Variants in AP4E1 observed in about 807,000 individuals in gnomAD.
AP4E1 encodes adaptor related protein complex 4 subunit epsilon 1.
AP4E1 carries 56 observed loss-of-function variants against 128.2 expected under a neutral mutation model. That is an observed-to-expected ratio of 0.44 (90% CI 0.35 to 0.55). The LOEUF is 0.55. Ranked by LOEUF, AP4E1 falls within the 20% of genes least tolerant of loss-of-function variation. AP4E1 has a pLI of 0.00. For missense variants in AP4E1, 1,324 were observed against 1,307.7 expected, an observed-to-expected ratio of 1.01 and a Z score of -0.19; for synonymous variants, 484 against 473.1, an observed-to-expected ratio of 1.02 and a Z score of -0.30.
chr15:50,973,446 C>T (rs2140901030), intron 15 of AP4E1, among the ~76,000 whole-genome samples: 1 of 151,696 alleles, frequency 6.6e-6, no homozygotes, highest in East Asian at 1.9e-4. Flanking sequence ...GAGGTCTCTC[C>T]TCTTAACAAA....
intron 1 of AP4E1, 83 bp downstream of exon 1, chr15:50,909,011 C>T (rs1383814852): frequency 2.5e-6 from 4 of 1,580,110 alleles, no homozygotes; most frequent in Non-Finnish European, 3.4e-6. Context: ...GGCGAGACTT[C>T]AGGGCCTCTG....
chr15:50,955,466 T>C (rs892390439), intron 13 of AP4E1, among the ~76,000 whole-genome samples: 12 of 152,204 alleles, frequency 7.9e-5, no homozygotes, highest in African/African-American at 2.9e-4. Context: ...GGGTGTTGTG[T>C]TCTATAAAGT....
rs1395494321 is a variant in AP4E1 at position 50,927,560 on chromosome 15, A to G, written c.543-1449A>G. ...TCACTTCATTTACCTATTCTCCCCC[A>G]GAATTAATATCAGTTAACACGCAAT... On this transcript the variant is annotated intron_variant, in intron 5 of 20. Coordinates refer to ENST00000261842, the MANE Select transcript of AP4E1 (RefSeq NM_007347.5). 2.1e-5 allele frequency among the ~76,000 whole-genome samples: 3 copies of G among 145,256 alleles called. No individual in the cohort carries two copies. The East Asian group carries it at 6.3e-4, about 30-fold the overall frequency.
chr15:50,954,070 A>G (rs1433738914), intron 13 of AP4E1, among the ~76,000 whole-genome samples: 1 of 152,212 alleles, frequency 6.6e-6, no homozygotes, highest in Non-Finnish European at 1.5e-5. Context: ...AAATGTATAT[A>G]CAAATACAAT....
In AP4E1 at chr15:51,004,677, G is replaced by C. The variant is rs755633349; in HGVS notation, c.*2015G>C. On this transcript the variant is annotated 3_prime_UTR_variant, in exon 21 of 21. Transcript: ENST00000261842. Reference sequence around the variant, plus strand: ...TTTCTGACCCACTAAATAAAAAGTAGTGTAACAGGGTTTCACTGGAATGTT... The same window carrying C: ...TTTCTGACCCACTAAATAAAAAGTACTGTAACAGGGTTTCACTGGAATGTT... The C allele has an allele frequency of 6.6e-6, 1 of 152,608 alleles. No individual in the cohort carries two copies. Among genetic ancestry groups the C allele is most frequent in the Non-Finnish European group, 1.5e-5 (1 of 68,034 alleles). 9.5% of individuals were successfully genotyped at this position (152,608 alleles called of 1,614,324 possible).
intron 19 of AP4E1, among the ~76,000 whole-genome samples, chr15:51,000,589 G>A (rs1239124831): frequency 5.9e-5 from 9 of 152,144 alleles, no homozygotes; most frequent in Non-Finnish European, 1.2e-4. Flanking sequence ...TAAAAAATGT[G>A]TTTGTTAAAA....
rs1434719616 is a variant in AP4E1 at position 50,993,594 on chromosome 15, T to C, written c.2315T>C (p.Val772Ala). 6.2e-7 allele frequency: 1 copy of C among 1,613,900 alleles called. No homozygotes were observed. Among genetic ancestry groups the C allele is most frequent in the Non-Finnish European group, 8.5e-7 (1 of 1,179,916 alleles). The stretch of plus-strand genomic sequence containing the variant: ...CAGCTGCTGGCATCATCATTATTTG[T>C]TGGTCTAGGATCAGAAAGTACAATC... ...EKQLLASSLF[V>A]GLGSESTINL... is the part of the protein sequence containing the mutation. The change falls in exon 17 of 21, where the codon GTT (valine) becomes GCT (alanine). Residue 772 changes from valine to alanine, a missense_variant. Transcript: ENST00000261842.
chr15:50,925,178 A>G lies in AP4E1; in HGVS notation c.501A>G (p.Pro167=), dbSNP rs983693914. ...AGATTTTCCCCTGCGAAATGATTCCAGCTGTTCTTCCATTAATAGAAGATA... is the reference window on the plus strand; with the variant it reads ...AGATTTTCCCCTGCGAAATGATTCCGGCTGTTCTTCCATTAATAGAAGATA... ...VSQIFPCEMI[P]AVLPLIEDKL... is the part of the protein sequence containing the mutation. Residue 167 remains proline, a synonymous_variant, in exon 5 of 21, where the codon CCA becomes CCG. Transcript: ENST00000261842. 4.3e-6 allele frequency: 7 copies of G among 1,613,788 alleles called. No individual in the cohort carries two copies. The highest frequency in any genetic ancestry group is 5.9e-6 in the Non-Finnish European group (7 of 1,179,672).
rs759799890 is a variant in AP4E1 at position 50,931,800 on chromosome 15, A to G, written c.869+829A>G. Among the ~76,000 whole-genome samples, 52 of 152,138 alleles carry G rather than the reference A, an allele frequency of 3.4e-4. 1 individual carries two copies. The highest frequency in any genetic ancestry group is 6.3e-4 in the Non-Finnish European group (43 of 68,030). On this transcript the variant is annotated intron_variant, in intron 7 of 20. Transcript: ENST00000261842. ...TAAAATCTCTTCTTAGCTTGAAGCC[A>G]TACAAAACCAGGCATTTGGCCAGAT...
intron 15 of AP4E1, among the ~76,000 whole-genome samples, chr15:50,977,715 T>TGTTTTTTG (rs71127170): frequency 7.0e-6 from 1 of 142,182 alleles, no homozygotes; most frequent in South Asian, 2.3e-4. Flanking sequence ...GGTTTTTTTT[T>TGTTTTTTG]TTTTTTTTTT....
chr15:50,925,722 C>T (rs2063760808), intron 5 of AP4E1, among the ~76,000 whole-genome samples: 2 of 151,028 alleles, frequency 1.3e-5, no homozygotes, highest in Non-Finnish European at 3.0e-5. Flanking sequence ...CTCTGCCTCC[C>T]GGGTTCAAGC....
At chr15:50,919,325 G>C (rs2063665961) in intron 3 of AP4E1, among the ~76,000 whole-genome samples, 5 of 151,864 alleles carry the variant, frequency 3.3e-5, no homozygotes, top group Admixed American at 3.3e-4. Flanking sequence ...TTGAGGTCAG[G>C]AGTATGAGAC....
rs762940090 is a variant in AP4E1 at position 50,915,501 on chromosome 15, T to C, written c.276T>C (p.Tyr92=). The change falls in exon 3 of 21, where the codon TAT becomes TAC. Residue 92 remains tyrosine, a synonymous_variant. Coordinates refer to ENST00000261842, the MANE Select transcript of AP4E1 (RefSeq NM_007347.5). ...VRLIYCEMLG[Y]DASFGYIHAI... is the part of the protein sequence containing the mutation. ...TTATATATTGTGAAATGCTTGGATATGATGCTTCCTTTGGCTATATTCATG... is the reference window on the plus strand; with the variant it reads ...TTATATATTGTGAAATGCTTGGATACGATGCTTCCTTTGGCTATATTCATG... The C allele has an allele frequency of 1.2e-6, 2 of 1,613,638 alleles. No homozygotes were observed. Among genetic ancestry groups the C allele is most frequent in the Non-Finnish European group, 8.5e-7 (1 of 1,179,724 alleles).
intron 15 of AP4E1, among the ~76,000 whole-genome samples, chr15:50,975,367 T>C (rs989313967): frequency 6.6e-6 from 1 of 152,236 alleles, no homozygotes; most frequent in African/African-American, 2.4e-5. Flanking sequence ...ATTGTACCAT[T>C]GCACTCCAGC....
At chr15:50,988,110 G>A (rs1399502474) in intron 16 of AP4E1, among the ~76,000 whole-genome samples, 1 of 152,040 alleles carries the variant, frequency 6.6e-6, no homozygotes, top group Non-Finnish European at 1.5e-5. Context: ...CATAAAATAA[G>A]GTGATTGATT....
chr15:50,964,372 T>C (rs1264314815), intron 14 of AP4E1, among the ~76,000 whole-genome samples: 1 of 152,156 alleles, frequency 6.6e-6, no homozygotes, highest in Non-Finnish European at 1.5e-5. Context: ...GATCATGAAT[T>C]GTTTTCTTGA....
chr15:50,935,835 G>GT (rs2063901741), intron 8 of AP4E1, among the ~76,000 whole-genome samples: 2 of 152,174 alleles, frequency 1.3e-5, no homozygotes, highest in African/African-American at 4.8e-5. Context: ...AGGATTGTGT[G>GT]TATGAGACTA....
chr15:50,999,377 A>G, intron 19 of AP4E1, 115 bp downstream of exon 19: 1 of 864,996 alleles, frequency 1.2e-6, no homozygotes, highest in Non-Finnish European at 1.8e-6. Context: ...GTTAAAAACT[A>G]CGCACAGTTC....
chr15:50,946,612 G>T (rs2064065135), intron 10 of AP4E1, among the ~76,000 whole-genome samples: 1 of 151,986 alleles, frequency 6.6e-6, no homozygotes, highest in Admixed American at 6.5e-5. Flanking sequence ...TTAAGTCCTG[G>T]CTGTAAGGAT....
Sources: gnomAD v4.1 joint callset for allele counts (sites outside exome capture counted in the v4.1 genomes callset) on GRCh38, gnomAD v4.1.1 for gene constraint, MANE v1.5 for transcripts, NCBI Gene and HGNC (gene_info 2026-07-23, HGNC 2026-07-21) for gene names.